ATP5MF: variants seen among roughly 807,000 people sequenced by gnomAD.
ATP5MF encodes ATP synthase membrane subunit f.
A neutral mutation model predicts 13.8 loss-of-function variants in ATP5MF; 10 were observed. The observed-to-expected ratio is 0.72, with a 90% CI of 0.45 to 1.23. ATP5MF has a LOEUF of 1.23. ATP5MF is among the 50% of genes most tolerant of loss of function. The pLI is 0.00. For missense variants in ATP5MF, 122 were observed against 118.2 expected (o/e 1.03, Z -0.15); for synonymous variants, 40 against 45.8 (o/e 0.87, Z 0.51).
intron 2 of ATP5MF, 59 bp from the exon 3 acceptor site, chr7:99,459,322 CA>C (rs1427507493): frequency 1.5e-6 from 2 of 1,296,962 alleles, no homozygotes; most frequent in African/African-American, 2.9e-5. Flanking sequence ...TGAAGTTGAG[CA>C]CACAGTTGAG....
chr7:99,459,934 G>A (rs1226540460), intron 2 of ATP5MF, 152 bp downstream of exon 2: 1 of 838,234 alleles, frequency 1.2e-6, no homozygotes. Context: ...AACCACAGAA[G>A]TCCAAGGCCT....
At chr7:99,461,994 TC>T (rs1386429140) in intron 1 of ATP5MF, among the ~76,000 whole-genome samples, 1 of 151,754 alleles carries the variant, frequency 6.6e-6, no homozygotes, top group Non-Finnish European at 1.5e-5. Context: ...AGCCATTTTT[TC>T]ACATTCACAT....
At chr7:99,463,023 T>C (rs982707149) in intron 1 of ATP5MF, among the ~76,000 whole-genome samples, 3 of 152,248 alleles carry the variant, frequency 2.0e-5, no homozygotes, top group Non-Finnish European at 4.4e-5. Context: ...GTACTACTCC[T>C]TCTCAGTTTC....
At position 99,458,219 on chromosome 7, in the gene ATP5MF, T is replaced by C; in HGVS notation, c.*108A>G. On this transcript the variant is annotated 3_prime_UTR_variant, in exon 4 of 4. Transcript: ENST00000292475. ...GTACCAGTCATGTTTTATTTGGAGG[T>C]TAATTCCTATTAGGATATGAAAGGA... 1.7e-6 allele frequency: 2 copies of C among 1,173,910 alleles called. No individual in the cohort carries two copies. Among genetic ancestry groups the C allele is most frequent in the Non-Finnish European group, 2.4e-6 (2 of 823,716 alleles). 72.7% of individuals were successfully genotyped at this position (1,173,910 alleles called of 1,614,324 possible). A position where few individuals can be genotyped will look rare whatever the true frequency, so the allele number is the denominator to read the frequency against.
intron 1 of ATP5MF, among the ~76,000 whole-genome samples, chr7:99,460,800 T>G (rs1798565290): frequency 6.6e-6 from 1 of 152,112 alleles, no homozygotes; most frequent in South Asian, 2.1e-4. Context: ...ACTTGTTTAC[T>G]GGGGAAGGGC....
At chr7:99,460,299 C>G (rs1798543136) in intron 1 of ATP5MF, 106 bp from the exon 2 acceptor site, 1 of 1,233,976 alleles carries the variant, frequency 8.1e-7, no homozygotes, top group Non-Finnish European at 1.2e-6. Flanking sequence ...GTGCATAATG[C>G]AATTACACAG....
intron 1 of ATP5MF, among the ~76,000 whole-genome samples, chr7:99,465,841 G>A (rs1798847743): frequency 6.6e-6 from 1 of 152,228 alleles, no homozygotes; most frequent in African/African-American, 2.4e-5. Context: ...AGCGGAAAGA[G>A]GAACAGTGGC....
chr7:99,460,760 G>A (rs976516823), intron 1 of ATP5MF, among the ~76,000 whole-genome samples: 62 of 152,152 alleles, frequency 4.1e-4, no homozygotes, highest in African/African-American at 1.4e-3. Flanking sequence ...GCGGTGTGAC[G>A]GTGCCAAGTG....
chr7:99,460,836 G>C (rs1322763526), intron 1 of ATP5MF, among the ~76,000 whole-genome samples: 5 of 152,216 alleles, frequency 3.3e-5, no homozygotes, highest in Non-Finnish European at 5.9e-5. Flanking sequence ...GGTTCACACA[G>C]CTGGCAGACT....
At chr7:99,460,617 C>T (rs534924687) in intron 1 of ATP5MF, 58 of 460,602 alleles carry the variant, frequency 1.3e-4, no homozygotes, top group Admixed American at 8.2e-4. Context: ...GGTTGGGCCA[C>T]GTGACCAAAG....
intron 1 of ATP5MF, among the ~76,000 whole-genome samples, chr7:99,462,288 TAAAAAAAAAAAA>T (rs755455949): frequency 1.3e-4 from 4 of 30,902 alleles, no homozygotes; most frequent in East Asian, 8.7e-4. Flanking sequence ...CCATCACTAC[TAAAAAAAAAAAA>T]AAAAAAAAAA....
intron 3 of ATP5MF, 57 bp from the exon 4 acceptor site, chr7:99,458,412 C>G: frequency 6.4e-7 from 1 of 1,554,266 alleles, no homozygotes; most frequent in Admixed American, 1.9e-5. Flanking sequence ...GAAGGCACAG[C>G]ATGGCAGGAA....
At chr7:99,460,587 AG>A in intron 1 of ATP5MF, 1 of 496,402 alleles carries the variant, frequency 2.0e-6, no homozygotes, top group Non-Finnish European at 4.0e-6. Context: ...AAAGGAGGGG[AG>A]GGGGGATAGA....
chr7:99,461,625 C>T (rs1282873996), intron 1 of ATP5MF, among the ~76,000 whole-genome samples: 5 of 151,602 alleles, frequency 3.3e-5, no homozygotes, highest in African/African-American at 9.7e-5. Flanking sequence ...AGGCAGATCA[C>T]TTGAGGTCAG....
At chr7:99,461,196 T>G (rs557189983) in intron 1 of ATP5MF, among the ~76,000 whole-genome samples, 2 of 152,232 alleles carry the variant, frequency 1.3e-5, no homozygotes, top group Non-Finnish European at 1.5e-5. Context: ...TGCAAAGATT[T>G]ATTTATTTAT....
intron 1 of ATP5MF, chr7:99,460,465 T>C: frequency 3.0e-6 from 2 of 672,436 alleles, no homozygotes; most frequent in Non-Finnish European, 5.5e-6. Flanking sequence ...CAGAAAAGGG[T>C]CTCGAAAAAA....
rs2151025329 is a variant in ATP5MF, at chr7:99,459,382, T to TC, written c.140-120dup. On this transcript the variant is annotated intron_variant, in intron 2 of 3. Coordinates refer to ENST00000292475, the MANE Select transcript of ATP5MF (RefSeq NM_004889.5). The stretch of plus-strand genomic sequence containing the variant: ...GTCCTGCTCTGGCTGTTTAAGCCCC[T>TC]CGCCCTGCATTCACTGGCTGATAAA... The TC allele has an allele frequency of 2.7e-6, 2 of 734,556 alleles. 1 individual carries two copies. The highest frequency in any genetic ancestry group is 4.8e-6 in the Non-Finnish European group (2 of 413,384). The allele number at this position is 734,556 out of a possible 1,614,324, so 45.5% of individuals were successfully genotyped here. A position where few individuals can be genotyped will look rare whatever the true frequency, so the allele number is the denominator to read the frequency against.
chr7:99,461,050 C>CAGA (rs1798579508), intron 1 of ATP5MF, among the ~76,000 whole-genome samples: 1 of 152,170 alleles, frequency 6.6e-6, no homozygotes, highest in Admixed American at 6.5e-5. Context: ...AACAAGGAAT[C>CAGA]AGAAGGGCTC....
chr7:99,462,287 C>CT (rs1252750715), intron 1 of ATP5MF, among the ~76,000 whole-genome samples: 1 of 49,196 alleles, frequency 2.0e-5, no homozygotes, highest in African/African-American at 1.6e-4. Context: ...CCCATCACTA[C>CT]TAAAAAAAAA....
Sources: gnomAD v4.1 joint callset for allele counts (sites outside exome capture counted in the v4.1 genomes callset) on GRCh38, gnomAD v4.1.1 for gene constraint, MANE v1.5 for transcripts, NCBI Gene and HGNC (gene_info 2026-07-23, HGNC 2026-07-21) for gene names.